Variants in PLEKHA5 observed in about 807,000 individuals in gnomAD.
PLEKHA5 encodes the protein pleckstrin homology domain-containing family A member 5.
In PLEKHA5, 55 loss-of-function variants were observed where a neutral mutation model predicts 181.9. The ratio of observed to expected loss-of-function variants is 0.30; its 90% CI spans 0.24 to 0.38. PLEKHA5 has a LOEUF of 0.38. PLEKHA5 is among the 10% of genes least tolerant of loss of function. The pLI is 1.00. For synonymous variants in PLEKHA5, 535 were observed against 529.4 expected (o/e 1.01, Z -0.15); for missense variants, 1,432 against 1,549.5 (o/e 0.92, Z 1.27).
At chr12:19,132,340 C>G in intron 2 of PLEKHA5, 53 bp from the exon 3 acceptor site, 2 of 864,092 alleles carry the variant, frequency 2.3e-6, no homozygotes. Context: ...TGGATTGAGA[C>G]TTATTTTGCT....
chr12:19,257,950 C>G (rs2067300629), intron 6 of PLEKHA5, among the ~76,000 whole-genome samples: 1 of 151,686 alleles, frequency 6.6e-6, no homozygotes, highest in Non-Finnish European at 1.5e-5. Context: ...TATTTCCCCC[C>G]TTTATACAGA....
intron 21 of PLEKHA5, among the ~76,000 whole-genome samples, chr12:19,342,138 G>A (rs4963532): frequency 0.85 from 129,264 of 152,142 alleles, 55,515 homozygotes; most frequent in Non-Finnish European, 0.92. Context: ...GCCAAAGAAA[G>A]TATTGTTCTA....
At chr12:19,139,056 A>G (rs1273680788) in intron 3 of PLEKHA5, among the ~76,000 whole-genome samples, 3 of 152,086 alleles carry the variant, frequency 2.0e-5, no homozygotes, top group Non-Finnish European at 4.4e-5. Flanking sequence ...GTCTGTTGCC[A>G]TAATTGGGTA....
At chr12:19,359,101 C>T (rs957734591) in intron 27 of PLEKHA5, among the ~76,000 whole-genome samples, 1 of 152,136 alleles carries the variant, frequency 6.6e-6, no homozygotes, top group Non-Finnish European at 1.5e-5. Context: ...AACATGCTTT[C>T]CTGTCCTAAT....
At chr12:19,161,250 G>A (rs2042897389) in intron 3 of PLEKHA5, among the ~76,000 whole-genome samples, 4 of 152,022 alleles carry the variant, frequency 2.6e-5, no homozygotes, top group Admixed American at 2.6e-4. Flanking sequence ...AAGAGAAAAT[G>A]AAATGTGCCA....
chr12:19,354,729 G>A (rs10770479), intron 26 of PLEKHA5, among the ~76,000 whole-genome samples: 101,107 of 151,236 alleles, frequency 0.67, 37,307 homozygotes, highest in Non-Finnish European at 0.85. Flanking sequence ...TGATCCGCCC[G>A]CCTCGGCCTC....
rs1259668910 is a variant in PLEKHA5 at position 19,322,554 on chromosome 12, G to A, written c.2335G>A (p.Glu779Lys). The change falls in exon 20 of 32, where the codon GAG becomes AAG. Residue 779 changes from glutamate (E) to lysine (K), a missense_variant. Physicochemically the swap from Glu to Lys is moderately conservative, Grantham distance 56. This residue lies in a region of PLEKHA5 where 1,143 missense variants were observed against 1,168.4 expected (regional missense o/e 0.98). Coordinates refer to ENST00000429027, the MANE Select transcript of PLEKHA5 (RefSeq NM_001256470.2). ...LEQALLSASQ[E>K]IEMHADNPAA... is the part of the protein sequence containing the mutation. ...GCAAGCTTTGCTATCAGCCAGCCAA[G>A]AGATAGAAATGCATGCAGATAACCC... The A allele has an allele frequency of 6.2e-7, 1 of 1,614,030 alleles. No individual in the cohort carries two copies.
At chr12:19,183,406 T>C (rs2049053521) in intron 3 of PLEKHA5, among the ~76,000 whole-genome samples, 1 of 152,248 alleles carries the variant, frequency 6.6e-6, no homozygotes, top group African/African-American at 2.4e-5. Context: ...TTCCTACATG[T>C]TCACTTATTA....
intron 20 of PLEKHA5, among the ~76,000 whole-genome samples, chr12:19,334,862 A>ATATATATATC (rs1565630250): frequency 3.2e-5 from 2 of 62,682 alleles, no homozygotes; most frequent in African/African-American, 9.6e-5. Context: ...ATATATATAT[A>ATATATATATC]TATATATCTC....
At position 19,283,639 on chromosome 12, in the gene PLEKHA5, C is replaced by T; in HGVS notation, c.1673C>T (p.Ala558Val). The change falls in exon 12 of 32, where the codon GCT becomes GTT. Residue 558 changes from alanine (A) to valine (V), a missense_variant. Coordinates refer to ENST00000429027, the MANE Select transcript of PLEKHA5 (RefSeq NM_001256470.2). Reference protein sequence around the residue: ...PTSPSHGSIAAYQGYSPQRTY... With the variant: ...PTSPSHGSIAVYQGYSPQRTY... Reference sequence around the variant, plus strand: ...TCACCTTCCCACGGGTCAATAGCTGCTTATCAGGGATACTCCCCTCAACGA... The same window carrying T: ...TCACCTTCCCACGGGTCAATAGCTGTTTATCAGGGATACTCCCCTCAACGA... 1.2e-6 allele frequency: 2 copies of T among 1,614,006 alleles called. No homozygotes were observed. The highest frequency in any genetic ancestry group is 1.1e-5 in the South Asian group (1 of 91,080).
chr12:19,162,389 A>T (rs1050259216), intron 3 of PLEKHA5, among the ~76,000 whole-genome samples: 1 of 152,180 alleles, frequency 6.6e-6, no homozygotes, highest in Admixed American at 6.5e-5. Context: ...ACATCGATAA[A>T]TATTTATTGG....
chr12:19,207,223 GTAT>G (rs972857773), intron 3 of PLEKHA5: 1 of 152,008 alleles, frequency 6.6e-6, no homozygotes, highest in African/African-American at 2.4e-5. Flanking sequence ...TGGCAAGATT[GTAT>G]TATTATACTA....
chr12:19,251,658 C>T (rs1033555989), intron 3 of PLEKHA5, among the ~76,000 whole-genome samples: 2 of 143,092 alleles, frequency 1.4e-5, no homozygotes, highest in Non-Finnish European at 3.0e-5. Context: ...GTTCCTTTAA[C>T]GTACAAATCA....
Position 19,290,811 on chromosome 12 carries a change from G to A in PLEKHA5, c.1983+15G>A. 2.0e-6 allele frequency: 3 copies of A among 1,518,000 alleles called. No individual in the cohort carries two copies. Among genetic ancestry groups the A allele is most frequent in the Non-Finnish European group, 2.6e-6 (3 of 1,135,294 alleles). The allele number at this position is 1,518,000 out of a possible 1,614,324, so 94.0% of individuals were successfully genotyped here. A position where few individuals can be genotyped will look rare whatever the true frequency, so the allele number is the denominator to read the frequency against. On this transcript the variant is annotated intron_variant, in intron 14 of 31. Transcript: ENST00000429027. ...ACAGCCCAAAGGTCAGCTATGGAGA[G>A]ATTTGTCTGTGTCGTCTGCCATCAT...
chr12:19,261,302 C>T (rs1458834807), intron 7 of PLEKHA5, among the ~76,000 whole-genome samples: 1 of 152,102 alleles, frequency 6.6e-6, no homozygotes, highest in East Asian at 1.9e-4. Context: ...TAGATACAAT[C>T]CTTAGTTTGA....
intron 3 of PLEKHA5, among the ~76,000 whole-genome samples, chr12:19,133,691 G>A (rs1054136927): frequency 1.3e-5 from 2 of 151,884 alleles, no homozygotes; most frequent in African/African-American, 4.8e-5. Context: ...CTTGCTTTTG[G>A]ATGTAGAAAT....
In PLEKHA5 at chr12:19,306,607, C is replaced by G. The variant is rs1051570611; in HGVS notation, c.2038-8207C>G. 1.1e-4 allele frequency: 100 copies of G among 924,812 alleles called. 1 individual carries two copies. The Admixed American group carries it at 1.7e-3, about 16-fold the overall frequency. 57.3% of individuals were successfully genotyped at this position (924,812 alleles called of 1,614,324 possible). On this transcript the variant is annotated intron_variant, in intron 15 of 31. Transcript: ENST00000429027. ...CGGGCCCTAGCGGCGGGCCCAGTAG[C>G]GGAGGTGGTGGCGGCGGTGGAGGCG...
At chr12:19,354,154 T>TC (rs1163041210) in intron 26 of PLEKHA5, 152 bp downstream of exon 26, 1 of 302,354 alleles carries the variant, frequency 3.3e-6, no homozygotes, top group Non-Finnish European at 5.8e-6. Context: ...TTTTTTTTTT[T>TC]TTTTTTTTTT....
At chr12:19,336,382 A>G in intron 20 of PLEKHA5, 133 bp from the exon 21 acceptor site, 1 of 530,466 alleles carries the variant, frequency 1.9e-6, no homozygotes, top group Admixed American at 3.9e-5. Context: ...AGGGACAAAA[A>G]TGGTTATAAA....
Sources: allele counts gnomAD v4.1 joint callset (sites outside exome capture counted in the v4.1 genomes callset), GRCh38; gene constraint gnomAD v4.1.1; regional missense constraint gnomAD v4.1.1; transcripts MANE v1.5; gene names NCBI Gene and HGNC (gene_info 2026-07-23, HGNC 2026-07-21).